Variants in ITFG1 observed in about 807,000 individuals in gnomAD.
ITFG1 encodes integrin alpha FG-GAP repeat containing 1, also known as T-cell immunomodulatory protein.
Under a neutral mutation model 81.8 loss-of-function variants are expected in ITFG1, and 34 were observed. The ratio of observed to expected loss-of-function variants is 0.42; its 90% CI spans 0.32 to 0.55. The LOEUF is 0.55. Among genes scored for constraint, ITFG1 ranks in the 20% least tolerant of loss-of-function variants. The probability of loss-of-function intolerance (pLI) is 0.17; values close to 1 mark genes in which losing one functional copy is unlikely to be tolerated. For missense variants in ITFG1, 672 were observed against 755.4 expected (o/e 0.89, Z 1.29); for synonymous variants, 285 against 270.6 (o/e 1.05, Z -0.52).
intron 10 of ITFG1, among the ~76,000 whole-genome samples, 175 bp downstream of exon 10, chr16:47,311,065 C>T (rs1271098036): frequency 1.3e-5 from 2 of 149,150 alleles, no homozygotes; most frequent in Admixed American, 6.7e-5. Context: ...AAAAAAACAA[C>T]TAAGCAGTTG....
chr16:47,334,198 C>T lies in ITFG1; in HGVS notation c.803-20375G>A, dbSNP rs549640874. On this transcript the variant is annotated intron_variant, in intron 8 of 17. Coordinates refer to ENST00000320640, the MANE Select transcript of ITFG1 (RefSeq NM_030790.5). ...GTGCAGCGGTTCATATCTGTAATCC[C>T]AGCACTTTGGGAGGCTGAAGCAGGT... Among the ~76,000 whole-genome samples, 127 of 152,220 alleles carry T rather than the reference C, an allele frequency of 8.3e-4. 1 individual carries two copies. The highest frequency in any genetic ancestry group is 2.9e-3 in the African/African-American group (121 of 41,538).
chr16:47,317,950 C>T (rs1444739136), intron 8 of ITFG1: 1 of 152,046 alleles, frequency 6.6e-6, no homozygotes, highest in Non-Finnish European at 1.5e-5. Flanking sequence ...AAAACACATA[C>T]CACTACATTA....
chr16:47,248,427 C>T (rs1011998553), intron 12 of ITFG1, among the ~76,000 whole-genome samples: 3 of 152,032 alleles, frequency 2.0e-5, no homozygotes, highest in Admixed American at 6.6e-5. Context: ...AAACCAAAAC[C>T]TTACCAATAA....
chr16:47,204,499 AT>A (rs959597525), intron 14 of ITFG1, among the ~76,000 whole-genome samples: 1 of 152,134 alleles, frequency 6.6e-6, no homozygotes, highest in Non-Finnish European at 1.5e-5. Flanking sequence ...ATGCTTTCGT[AT>A]TTTGTTAGCT....
intron 10 of ITFG1, among the ~76,000 whole-genome samples, chr16:47,286,562 C>A (rs1037878135): frequency 5.9e-5 from 9 of 151,870 alleles, no homozygotes; most frequent in Non-Finnish European, 1.2e-4. Flanking sequence ...ATCACTTGAA[C>A]CCGGGAGGCA....
At chr16:47,318,853 T>C (rs1967406180) in intron 8 of ITFG1, among the ~76,000 whole-genome samples, 3 of 152,356 alleles carry the variant, frequency 2.0e-5, no homozygotes, top group South Asian at 4.1e-4. Flanking sequence ...TGTTGTAATA[T>C]GTTGTTTTGG....
chr16:47,191,675 A>AT (rs1965294927), intron 14 of ITFG1, among the ~76,000 whole-genome samples: 2 of 152,058 alleles, frequency 1.3e-5, no homozygotes, highest in South Asian at 4.2e-4. Context: ...TACCCAGCTA[A>AT]TTTTTTTGTG....
chr16:47,388,729 A>G (rs1968493769), intron 6 of ITFG1, among the ~76,000 whole-genome samples: 1 of 152,246 alleles, frequency 6.6e-6, no homozygotes, highest in East Asian at 1.9e-4. Flanking sequence ...ACCTAATAGT[A>G]GTAGTAACAG....
chr16:47,430,966 C>G (rs1291970946), intron 5 of ITFG1, among the ~76,000 whole-genome samples: 1 of 152,164 alleles, frequency 6.6e-6, no homozygotes, highest in African/African-American at 2.4e-5. Context: ...TGTCATATAT[C>G]TATACAATGG....
chr16:47,407,485 G>C (rs1265962390), intron 6 of ITFG1, among the ~76,000 whole-genome samples: 1 of 152,072 alleles, frequency 6.6e-6, no homozygotes, highest in Non-Finnish European at 1.5e-5. Flanking sequence ...CTAGTAACTG[G>C]GATTACAGAC....
chr16:47,299,502 C>G (rs1440114538), intron 10 of ITFG1: 1 of 152,366 alleles, frequency 6.6e-6, no homozygotes, highest in African/African-American at 2.4e-5. Context: ...AGGTCTATAC[C>G]TGGTCCTCCT....
At chr16:47,260,127 C>T (rs1279855717) in intron 11 of ITFG1, among the ~76,000 whole-genome samples, 14 of 151,652 alleles carry the variant, frequency 9.2e-5, no homozygotes, top group African/African-American at 2.9e-4. Flanking sequence ...TTAGTAGAGA[C>T]GGGGTTTCTC....
intron 1 of ITFG1, among the ~76,000 whole-genome samples, chr16:47,460,543 A>T (rs1969518802): frequency 6.6e-6 from 1 of 152,148 alleles, no homozygotes. Context: ...AGGTGATTCC[A>T]TGGGGAGGAG....
intron 8 of ITFG1, among the ~76,000 whole-genome samples, chr16:47,329,634 C>G (rs923861337): frequency 6.6e-6 from 1 of 152,162 alleles, no homozygotes; most frequent in Non-Finnish European, 1.5e-5. Flanking sequence ...TGAGTGTTTA[C>G]TATGTGCAAA....
rs552073943 is a variant in ITFG1, at chr16:47,341,415, A to G, written c.802+24373T>C. Among the ~76,000 whole-genome samples, 529 of 149,714 alleles carry G rather than the reference A, an allele frequency of 3.5e-3. 4 individuals carry two copies. The highest frequency in any genetic ancestry group is 0.012 in the African/African-American group (500 of 41,252). ...CTGCGCCACTGAAAAAAAAAAAAAA[A>G]AGAAAAAAAAAAAGAAAATACTTGA... On this transcript the variant is annotated intron_variant, in intron 8 of 17. Transcript: ENST00000320640.
intron 7 of ITFG1, among the ~76,000 whole-genome samples, chr16:47,372,196 C>T (rs1968264783): frequency 6.6e-6 from 1 of 152,090 alleles, no homozygotes; most frequent in Non-Finnish European, 1.5e-5. Flanking sequence ...GAGTTCTGTT[C>T]CTACATTTCT....
At chr16:47,401,652 G>A (rs1233071949) in intron 6 of ITFG1, among the ~76,000 whole-genome samples, 2 of 152,104 alleles carry the variant, frequency 1.3e-5, no homozygotes, top group Non-Finnish European at 2.9e-5. Context: ...GGAGGTGATG[G>A]ACAATGCAGT....
intron 14 of ITFG1, among the ~76,000 whole-genome samples, chr16:47,167,483 A>G (rs140304066): frequency 6.6e-6 from 1 of 152,270 alleles, no homozygotes; most frequent in Non-Finnish European, 1.5e-5. Context: ...GCCTTAAGTG[A>G]TGACATTACC....
At chr16:47,197,360 G>A (rs1965370188) in intron 14 of ITFG1, among the ~76,000 whole-genome samples, 1 of 152,188 alleles carries the variant, frequency 6.6e-6, no homozygotes, top group Admixed American at 6.5e-5. Context: ...TTTCTACTAA[G>A]TTTTTAGCTT....
Sources: gnomAD v4.1 joint callset for allele counts (sites outside exome capture counted in the v4.1 genomes callset) on GRCh38, gnomAD v4.1.1 for gene constraint, MANE v1.5 for transcripts, NCBI Gene and HGNC (gene_info 2026-07-23, HGNC 2026-07-21) for gene names.